The following PDLIM4 variants were observed in gnomAD, a reference collection of about 807,000 sequenced individuals.
PDLIM4 encodes PDZ and LIM domain 4.
Under a neutral mutation model 31.3 loss-of-function variants are expected in PDLIM4, and 19 were observed. The ratio of observed to expected loss-of-function variants is 0.61; its 90% CI spans 0.42 to 0.89. The LOEUF (loss-of-function observed/expected upper bound fraction) is 0.89. Ranked by LOEUF, PDLIM4 falls within the 40% of genes least tolerant of loss-of-function variation. The probability of loss-of-function intolerance (pLI) is 0.00; values close to 1 mark genes in which losing one functional copy is unlikely to be tolerated. For missense variants in PDLIM4, 442 were observed against 461.1 expected, an observed-to-expected ratio of 0.96 and a Z score of 0.38; for synonymous variants, 176 against 190.1, an observed-to-expected ratio of 0.93 and a Z score of 0.61.
chr5:132,257,740 C>A lies in PDLIM4; in HGVS notation c.6C>A (p.Pro2=), dbSNP rs1403379594. The change falls in exon 1 of 7, where the codon CCC becomes CCA. Residue 2 remains proline, a synonymous_variant. Coordinates refer to ENST00000253754, the MANE Select transcript of PDLIM4 (RefSeq NM_003687.4). The surrounding 1 kb of genome is among the most constrained non-coding windows in gnomAD (Gnocchi z 4.3). M[P]HSVTLRGPSP... ...GGCTGCGGCTCCAGCCCGCGATGCCCCATTCCGTGACCCTGCGCGGGCCTT... is the reference window on the plus strand; with the variant it reads ...GGCTGCGGCTCCAGCCCGCGATGCCACATTCCGTGACCCTGCGCGGGCCTT... 6.7e-7 allele frequency: 1 copy of A among 1,485,406 alleles called. No homozygotes were observed. Among genetic ancestry groups the A allele is most frequent in the Non-Finnish European group, 8.9e-7 (1 of 1,122,178 alleles). The allele number at this position is 1,485,406 out of a possible 1,614,324, so 92.0% of individuals were successfully genotyped here.
intron 2 of PDLIM4, among the ~76,000 whole-genome samples, chr5:132,266,023 C>T (rs2126675832): frequency 6.6e-6 from 1 of 152,256 alleles, no homozygotes; most frequent in East Asian, 1.9e-4. Flanking sequence ...ACCCCAGAGC[C>T]GACGGACGCC....
intron 3 of PDLIM4, among the ~76,000 whole-genome samples, chr5:132,270,256 G>T (rs141560760): frequency 1.3e-5 from 2 of 152,316 alleles, no homozygotes; most frequent in Non-Finnish European, 2.9e-5. Context: ...TTGAGCCCTA[G>T]CCTGGTCTCT....
rs1322750888 is a variant in PDLIM4, at chr5:132,272,225, T to A, written c.989T>A (p.Val330Asp). The change falls in exon 7 of 7, where the codon GTC becomes GAC. Residue 330 changes from valine (V) to aspartate (D), a missense_variant. Val to Asp is a radical substitution (Grantham distance 152). Transcript: ENST00000253754. ...TACCCCAATGCCAAGGTGGAACTCG[T>A]CTGAGCTGGGACCCTGCTCCCACGC... ...AVYPNAKVEL[V>D] The A allele has an allele frequency of 6.2e-7, 1 of 1,613,462 alleles. No individual in the cohort carries two copies. The highest frequency in any genetic ancestry group is 8.5e-7 in the Non-Finnish European group (1 of 1,179,560).
intron 1 of PDLIM4, among the ~76,000 whole-genome samples, chr5:132,259,754 G>A (rs1344082816): frequency 6.6e-6 from 1 of 152,190 alleles, no homozygotes. Context: ...ACAGGGAGGA[G>A]GCTATCGGCC....
chr5:132,258,343 C>T (rs577725716), intron 1 of PDLIM4, among the ~76,000 whole-genome samples: 1 of 152,340 alleles, frequency 6.6e-6, no homozygotes, highest in South Asian at 2.1e-4. Context: ...GTCTCTCATT[C>T]ACGACCTCAG....
chr5:132,272,739 C>T lies in PDLIM4; in HGVS notation c.*510C>T. On this transcript the variant is annotated 3_prime_UTR_variant, in exon 7 of 7. Coordinates refer to ENST00000253754, the MANE Select transcript of PDLIM4 (RefSeq NM_003687.4). The stretch of plus-strand genomic sequence containing the variant: ...GGGGGTGGTGGTGGGGTGCTGGCAG[C>T]CTCAGGAGCGATCGCTCCCCTGGAG... 5.1e-6 allele frequency: 1 copy of T among 194,564 alleles called. No individual in the cohort carries two copies. The highest frequency in any genetic ancestry group is 1.1e-5 in the Non-Finnish European group (1 of 92,134). The allele number at this position is 194,564 out of a possible 1,614,324, so 12.1% of individuals were successfully genotyped here.
chr5:132,259,711 C>A (rs776758605), intron 1 of PDLIM4, among the ~76,000 whole-genome samples: 1 of 152,146 alleles, frequency 6.6e-6, no homozygotes, highest in Non-Finnish European at 1.5e-5. Flanking sequence ...CTCCCCTACG[C>A]GGGACCTGGT....
chr5:132,270,912 T>C lies in PDLIM4; in HGVS notation c.328-3T>C. 1 of 1,613,832 alleles carries C rather than the reference T, an allele frequency of 6.2e-7. No individual in the cohort carries two copies. Among genetic ancestry groups the C allele is most frequent in the Non-Finnish European group, 8.5e-7 (1 of 1,179,836 alleles). Reference sequence around the variant, plus strand: ...CCCAGTGCCTTAGGCCTCTCTCTAATAGGACGGCAGCCCAACAACCAGCAG... The same window carrying C: ...CCCAGTGCCTTAGGCCTCTCTCTAACAGGACGGCAGCCCAACAACCAGCAG... On this transcript the variant is annotated splice_region_variant and splice_polypyrimidine_tract_variant and intron_variant, in intron 3 of 6. Coordinates refer to ENST00000253754, the MANE Select transcript of PDLIM4 (RefSeq NM_003687.4).
intron 1 of PDLIM4, among the ~76,000 whole-genome samples, chr5:132,259,699 A>G (rs1405908158): frequency 4.0e-5 from 6 of 151,838 alleles, no homozygotes; most frequent in Admixed American, 3.9e-4. Flanking sequence ...TGCTTCCAGG[A>G]CCTCCCCTAC....
At chr5:132,266,582 A>T in intron 3 of PDLIM4, 37 bp downstream of exon 3, 1 of 1,444,222 alleles carries the variant, frequency 6.9e-7, no homozygotes, top group Non-Finnish European at 9.7e-7. Flanking sequence ...CCTGGCTCAG[A>T]GTGAGCCCAG....
Position 132,271,089 on chromosome 5 carries a change from C to A in PDLIM4, c.502C>A (p.Pro168Thr), listed in dbSNP as rs754129660. ...GAGCACCCTGCATGTGTCTCCACCC[C>A]CCAGGTAGCACAGAGATGCCTTCGG... is the stretch of plus-strand genomic sequence containing the variant. ...QMSTLHVSPP[P>T]SADPARGLPR... is the part of the protein sequence containing the mutation. The change falls in exon 4 of 7, where the codon CCC (proline) becomes ACC (threonine). Residue 168 changes from proline to threonine, a missense_variant. Pro to Thr is a conservative substitution (Grantham distance 38). Coordinates refer to ENST00000253754, the MANE Select transcript of PDLIM4 (RefSeq NM_003687.4). 2 of 1,613,564 alleles carry A rather than the reference C, an allele frequency of 1.2e-6. No individual in the cohort carries two copies. Among genetic ancestry groups the A allele is most frequent in the Non-Finnish European group, 8.5e-7 (1 of 1,179,592 alleles).
At chr5:132,271,594 C>T (rs540889234) in intron 5 of PDLIM4, 128 bp downstream of exon 5, 1 of 1,094,930 alleles carries the variant, frequency 9.1e-7, no homozygotes, top group East Asian at 2.5e-5. Context: ...CGGTCCCACG[C>T]CCTTGCTACA....
In PDLIM4 at chr5:132,257,862, C is replaced by T. The variant is rs1348776858; in HGVS notation, c.93+35C>T. 3 of 1,261,210 alleles carry T rather than the reference C, an allele frequency of 2.4e-6. No individual in the cohort carries two copies. Among genetic ancestry groups the T allele is most frequent in the Non-Finnish European group, 3.2e-6 (3 of 940,292 alleles). The allele number at this position is 1,261,210 out of a possible 1,614,324, so 78.1% of individuals were successfully genotyped here. ...GCGGCTGCGTGGCGGCAGGGCGGTC[C>T]CATGTCTGAGACCGGGTTCTCGCGG... On this transcript the variant is annotated intron_variant, in intron 1 of 6. Coordinates refer to ENST00000253754, the MANE Select transcript of PDLIM4 (RefSeq NM_003687.4). This position sits in a 1 kb window ranked among gnomAD's most constrained non-coding sequence, Gnocchi z 4.3.
At chr5:132,259,337 C>T (rs1021778741) in intron 1 of PDLIM4, among the ~76,000 whole-genome samples, 20 of 152,056 alleles carry the variant, frequency 1.3e-4, no homozygotes, top group Non-Finnish European at 2.6e-4. Flanking sequence ...GTTGCCCACG[C>T]GGCTGCCTGC....
chr5:132,270,586 A>C, intron 3 of PDLIM4: 2 of 375,772 alleles, frequency 5.3e-6, no homozygotes, highest in Admixed American at 3.9e-5. Flanking sequence ...TTCTTGGGAT[A>C]GGCCTGCCCC....
intron 1 of PDLIM4, among the ~76,000 whole-genome samples, chr5:132,259,442 G>A (rs906960805): frequency 3.3e-5 from 5 of 152,156 alleles, no homozygotes; most frequent in African/African-American, 4.8e-5. Flanking sequence ...GCAGGCCCCA[G>A]GCAGGCAGTC....
At chr5:132,266,354 GTTC>G (rs1418088448) in intron 2 of PDLIM4, 107 bp from the exon 3 acceptor site, 1 of 678,614 alleles carries the variant, frequency 1.5e-6, no homozygotes, top group Non-Finnish European at 2.7e-6. Flanking sequence ...CTGGAGTGGT[GTTC>G]TTCTACCTGC....
intron 3 of PDLIM4, among the ~76,000 whole-genome samples, chr5:132,268,285 G>A (rs2126677782): frequency 6.6e-6 from 1 of 152,272 alleles, no homozygotes; most frequent in South Asian, 2.1e-4. Context: ...CCCCTGCAGG[G>A]CTGAGTCCTT....
rs369789349 is a variant in PDLIM4 at position 132,272,142 on chromosome 5, T to C, written c.906T>C (p.Cys302=). Residue 302 remains cysteine, a synonymous_variant, in exon 7 of 7, where the codon TGT becomes TGC. Transcript: ENST00000253754. ...GYFFLDERLY[C]ESHAKARVKP... is the part of the protein sequence containing the mutation. ...TCTTTCTGGACGAGCGGCTCTACTGTGAGAGCCACGCCAAGGCGCGCGTGA... is the reference window on the plus strand; with the variant it reads ...TCTTTCTGGACGAGCGGCTCTACTGCGAGAGCCACGCCAAGGCGCGCGTGA... 6 of 1,614,012 alleles carry C rather than the reference T, an allele frequency of 3.7e-6. No homozygotes were observed. The highest frequency in any genetic ancestry group is 1.3e-5 in the African/African-American group (1 of 74,942).
Sources: gnomAD v4.1 joint callset for allele counts (sites outside exome capture counted in the v4.1 genomes callset) on GRCh38, gnomAD v4.1.1 for gene constraint, Gnocchi (gnomAD v3.1) non-coding constraint, MANE v1.5 for transcripts, NCBI Gene and HGNC (gene_info 2026-07-23, HGNC 2026-07-21) for gene names.